Variants in CFAP53 observed in about 807,000 individuals in gnomAD.
The protein encoded by CFAP53 is cilia and flagella associated protein 53, also known as cilia- and flagella-associated protein 53.
Under a neutral mutation model 59.7 loss-of-function variants are expected in CFAP53, and 62 were observed. The ratio of observed to expected loss-of-function variants is 1.04; its 90% CI spans 0.85 to 1.28. The LOEUF (loss-of-function observed/expected upper bound fraction) is 1.28, where lower values mean the gene tolerates loss of function less well. Among genes scored for constraint, CFAP53 ranks in the 50% most tolerant of loss-of-function variants. The probability of loss-of-function intolerance (pLI) is 0.00; values close to 1 mark genes in which losing one functional copy is unlikely to be tolerated. For missense variants in CFAP53, 629 were observed against 615.6 expected, an observed-to-expected ratio of 1.02 and a Z score of -0.23; for synonymous variants, 218 against 205.7, an observed-to-expected ratio of 1.06 and a Z score of -0.51.
At chr18:50,242,751 A>G (rs2033702836) in intron 6 of CFAP53, 149 bp downstream of exon 6, 2 of 666,092 alleles carry the variant, frequency 3.0e-6, no homozygotes, top group Admixed American at 5.4e-5. Flanking sequence ...CCAATTAGAT[A>G]AGATTTGCAA....
chr18:50,239,625 T>G (rs1306156478), intron 6 of CFAP53, among the ~76,000 whole-genome samples: 2 of 152,306 alleles, frequency 1.3e-5, no homozygotes, highest in East Asian at 3.9e-4. Context: ...AAAGAGTCAT[T>G]GCTGTGTTTA....
intron 7 of CFAP53, among the ~76,000 whole-genome samples, chr18:50,228,978 T>C (rs777828200): frequency 6.6e-6 from 1 of 151,996 alleles, no homozygotes; most frequent in Non-Finnish European, 1.5e-5. Context: ...CATGTGCCTG[T>C]GGTCCCAGCT....
chr18:50,248,388 G>C lies in CFAP53; in HGVS notation c.996+2370C>G, dbSNP rs141531903. On this transcript the variant is annotated intron_variant, in intron 5 of 7. Coordinates refer to ENST00000398545, the MANE Select transcript of CFAP53 (RefSeq NM_145020.5). ...GTATTGCTGGTGGGAATGTAACATG[G>C]TATGGCTACTCTGAAAAACAGTTTA... Among the ~76,000 whole-genome samples, 993 of 152,314 alleles carry C rather than the reference G, an allele frequency of 6.5e-3. 13 individuals are homozygous for C. The highest frequency in any genetic ancestry group is 0.023 in the African/African-American group (936 of 41,556).
intron 1 of CFAP53, among the ~76,000 whole-genome samples, chr18:50,263,374 G>C (rs59910093): frequency 0.018 from 2,767 of 152,278 alleles, 67 homozygotes; most frequent in East Asian, 0.075. Context: ...CAGAATACTA[G>C]GGTTAGGTGT....
chr18:50,244,960 G>A (rs1267830481), intron 5 of CFAP53, among the ~76,000 whole-genome samples: 2 of 151,504 alleles, frequency 1.3e-5, no homozygotes, highest in Non-Finnish European at 2.9e-5. Context: ...CTACTTAGGA[G>A]GCTGAGGCAG....
At chr18:50,230,175 G>A (rs1339262053) in intron 7 of CFAP53, among the ~76,000 whole-genome samples, 3 of 152,172 alleles carry the variant, frequency 2.0e-5, no homozygotes, top group African/African-American at 7.2e-5. Flanking sequence ...TACAACTCTT[G>A]TAATTTCCTG....
intron 3 of CFAP53, among the ~76,000 whole-genome samples, chr18:50,253,535 A>C (rs1348589608): frequency 1.3e-5 from 2 of 152,246 alleles, no homozygotes; most frequent in Non-Finnish European, 2.9e-5. Flanking sequence ...TATTATTAGC[A>C]AAAGTTATTA....
chr18:50,246,840 G>C (rs1052939652), intron 5 of CFAP53, among the ~76,000 whole-genome samples: 1 of 151,978 alleles, frequency 6.6e-6, no homozygotes, highest in East Asian at 1.9e-4. Flanking sequence ...AAGGTCAGGA[G>C]TTCAAGACCA....
Position 50,243,053 on chromosome 18 carries a change from T to C in CFAP53, c.1060A>G (p.Lys354Glu). The C allele has an allele frequency of 6.2e-7, 1 of 1,613,922 alleles. No individual in the cohort carries two copies. The highest frequency in any genetic ancestry group is 1.3e-5 in the African/African-American group (1 of 75,052). Residue 354 changes from lysine (K) to glutamate (E), a missense_variant, in exon 6 of 8, where the codon AAA becomes GAA. Lys to Glu is a moderately conservative substitution (Grantham distance 56). Coordinates refer to ENST00000398545, the MANE Select transcript of CFAP53 (RefSeq NM_145020.5). ...CTGTCAAATTCTTTCTCCTGAGCTT[T>C]TTCTTCCTCACGTCTCTGTGCCAAA... ...KYLAQRREEE[K>E]AQEKEFDRIL...
chr18:50,266,251 T>C, intron 1 of CFAP53, 85 bp downstream of exon 1: 1 of 1,302,064 alleles, frequency 7.7e-7, no homozygotes, highest in Non-Finnish European at 1.1e-6. Flanking sequence ...AGGCCCCGGG[T>C]GGGGGCCGAA....
chr18:50,255,837 A>T (rs1424035393), intron 3 of CFAP53, among the ~76,000 whole-genome samples: 1 of 151,048 alleles, frequency 6.6e-6, no homozygotes, highest in South Asian at 2.1e-4. Context: ...CAGGAGAAGA[A>T]ATAAATTGTG....
intron 6 of CFAP53, among the ~76,000 whole-genome samples, chr18:50,242,387 T>G (rs1242262132): frequency 6.6e-6 from 1 of 152,224 alleles, no homozygotes. Context: ...CCATGAAATC[T>G]TCACAATTTA....
Position 50,262,029 on chromosome 18 carries a change from A to G in CFAP53, c.260T>C (p.Val87Ala). 3.1e-6 allele frequency: 5 copies of G among 1,614,126 alleles called. No individual in the cohort carries two copies. The highest frequency in any genetic ancestry group is 4.2e-6 in the Non-Finnish European group (5 of 1,179,964). ...SLVRARIKDAVQGFIINIEER... is the reference protein window; with the variant it reads ...SLVRARIKDAAQGFIINIEER... ...TTCAATGTTAATGATAAACCCTTGC[A>G]CAGCATCCTTGATTCTTGCTCGCAC... Residue 87 changes from valine (V) to alanine (A), a missense_variant, in exon 2 of 8, where the codon GTG (valine) becomes GCG (alanine). Physicochemically the swap from Val to Ala is moderately conservative, Grantham distance 64. Coordinates refer to ENST00000398545, the MANE Select transcript of CFAP53 (RefSeq NM_145020.5).
chr18:50,250,617 T>C, intron 5 of CFAP53, 141 bp downstream of exon 5: 1 of 663,022 alleles, frequency 1.5e-6, no homozygotes, highest in South Asian at 1.8e-5. Flanking sequence ...TCTAACATTT[T>C]CCCAGATGGT....
rs1341537006 is a variant in CFAP53, at chr18:50,251,676, C to T, written c.582G>A (p.Lys194=). The T allele has an allele frequency of 6.2e-7, 1 of 1,614,254 alleles. No individual in the cohort carries two copies. Among genetic ancestry groups the T allele is most frequent in the Admixed American group, 1.7e-5 (1 of 60,032 alleles). Residue 194 remains lysine, a synonymous_variant, in exon 4 of 8, where the codon AAG becomes AAA. Coordinates refer to ENST00000398545, the MANE Select transcript of CFAP53 (RefSeq NM_145020.5). The stretch of plus-strand genomic sequence containing the variant: ...TGGAGAACATCTGCTCTTCCACCAG[C>T]TTTTGCCTGCTCAGCTCCTCATTAA... ...IAFNEELSRQ[K]LVEEQMFSKL...
chr18:50,238,545 G>T, intron 7 of CFAP53, 58 bp downstream of exon 7: 2 of 1,210,398 alleles, frequency 1.7e-6, no homozygotes, highest in Non-Finnish European at 2.4e-6. Flanking sequence ...AGCCACCATG[G>T]CTAGCCAAAA....
chr18:50,230,256 GC>G (rs2033567845), intron 7 of CFAP53, among the ~76,000 whole-genome samples: 4 of 152,174 alleles, frequency 2.6e-5, no homozygotes, highest in Admixed American at 2.6e-4. Flanking sequence ...TTAGGGTAGG[GC>G]CCCTGGGTGG....
chr18:50,231,949 G>T (rs1324581692), intron 7 of CFAP53, among the ~76,000 whole-genome samples: 40 of 152,264 alleles, frequency 2.6e-4, no homozygotes, highest in Admixed American at 2.6e-3. Context: ...GGCCAACACA[G>T]GCAGAGTCCT....
chr18:50,251,547 C>G lies in CFAP53; in HGVS notation c.711G>C (p.Gln237His), dbSNP rs1479375588. 6.2e-7 allele frequency: 1 copy of G among 1,614,088 alleles called. No individual in the cohort carries two copies. The highest frequency in any genetic ancestry group is 1.3e-5 in the African/African-American group (1 of 74,942). Reference protein sequence around the residue: ...MENTRLGLNAQITSIKAQRQA... With the variant: ...MENTRLGLNAHITSIKAQRQA... ...GCCTTTGTGCCTTGATGCTGGTGAT[C>G]TGGGCATTCAGCCCCAGGCGTGTGT... Residue 237 changes from glutamine (Q) to histidine (H), a missense_variant, in exon 4 of 8, where the codon CAG (glutamine) becomes CAC (histidine). Coordinates refer to ENST00000398545, the MANE Select transcript of CFAP53 (RefSeq NM_145020.5).
Sources: allele counts gnomAD v4.1 joint callset (sites outside exome capture counted in the v4.1 genomes callset), GRCh38; gene constraint gnomAD v4.1.1; transcripts MANE v1.5; gene names NCBI Gene and HGNC (gene_info 2026-07-23, HGNC 2026-07-21).